Variants in EIF4E2 observed in about 807,000 individuals in gnomAD.
EIF4E2 encodes eukaryotic translation initiation factor 4E type 2.
In EIF4E2, 13 loss-of-function variants were observed where a neutral mutation model predicts 34.2. The observed-to-expected ratio is 0.38, with a 90% CI of 0.25 to 0.60. The LOEUF is 0.60. EIF4E2 is among the 20% of genes least tolerant of loss of function. The probability of loss-of-function intolerance (pLI) is 0.62; values close to 1 mark genes in which losing one functional copy is unlikely to be tolerated. For missense variants in EIF4E2, 222 were observed against 315.1 expected, an observed-to-expected ratio of 0.70 and a Z score of 2.24; for synonymous variants, 100 against 106.6, an observed-to-expected ratio of 0.94 and a Z score of 0.38.
At chr2:232,573,828 T>A (rs1693149418), downstream of EIF4E2, 1 of 346,274 alleles carries the variant, frequency 2.9e-6, no homozygotes, top group Admixed American at 3.9e-5. Context: ...TGTTGGAAAC[T>A]GGCCTTTACC....
chr2:232,558,048 C>T (rs770885403), intron 3 of EIF4E2, 30 bp downstream of exon 3: 1 of 1,611,940 alleles, frequency 6.2e-7, no homozygotes, highest in South Asian at 1.1e-5. Flanking sequence ...ATGGAGTGTG[C>T]CTTGATAGTT....
chr2:232,558,206 G>C, intron 3 of EIF4E2, 188 bp downstream of exon 3: 1 of 616,722 alleles, frequency 1.6e-6, no homozygotes, highest in Non-Finnish European at 2.6e-6. Flanking sequence ...TAGCATGTAG[G>C]TATCAACAAA....
At chr2:232,560,360 C>G (rs887618733) in intron 3 of EIF4E2, among the ~76,000 whole-genome samples, 4 of 152,216 alleles carry the variant, frequency 2.6e-5, no homozygotes, top group Non-Finnish European at 4.4e-5. Flanking sequence ...AAAAATGGAT[C>G]ATAGACCTAA....
Position 232,550,713 on chromosome 2 carries a change from G to T in EIF4E2, c.-12G>T, listed in dbSNP as rs758491778. The stretch of plus-strand genomic sequence containing the variant: ...CACTCCCTGAGGCAGTGGCGACAGC[G>T]GCGGCGAGAGGATGAACAACAAGTT... On this transcript the variant is annotated 5_prime_UTR_variant, in exon 1 of 7. Transcript: ENST00000258416. 1 of 1,584,232 alleles carries T rather than the reference G, an allele frequency of 6.3e-7. No homozygotes were observed. The highest frequency in any genetic ancestry group is 1.1e-5 in the South Asian group (1 of 87,330).
intron 6 of EIF4E2, chr2:232,580,838 ATG>A (rs1211693265): frequency 2.2e-6 from 3 of 1,393,042 alleles, no homozygotes; most frequent in Non-Finnish European, 2.0e-6. Context: ...CCCCCTGTAT[ATG>A]TGTGCTTCTG....
intron 6 of EIF4E2, chr2:232,574,234 T>C: frequency 6.5e-7 from 1 of 1,547,036 alleles, no homozygotes. Context: ...CTGAATGTGC[T>C]ATTGTGTTTT....
intron 1 of EIF4E2, chr2:232,553,751 G>T (rs1285376291): frequency 6.6e-6 from 1 of 152,142 alleles, no homozygotes; most frequent in Non-Finnish European, 1.5e-5. Context: ...CCAGATATAG[G>T]TCCATTAGGG....
chr2:232,568,140 G>T, intron 6 of EIF4E2: 1 of 985,346 alleles, frequency 1.0e-6, no homozygotes. Flanking sequence ...CCAAGTAGTA[G>T]TATTGCTATC....
rs1309610191 is a variant in EIF4E2 at position 232,581,056 on chromosome 2, G to A, written c.*113G>A. On this transcript the variant is annotated 3_prime_UTR_variant, in exon 7 of 7. Coordinates refer to the EIF4E2 transcript ENST00000409098. The surrounding 1 kb of genome is among the most constrained non-coding windows in gnomAD (Gnocchi z 5.2). ...CACTGAAGGGACGTCCCTGAGCCGTGCGCTCTCCTTTTGCACTCATTCCTG... is the reference window on the plus strand; with the variant it reads ...CACTGAAGGGACGTCCCTGAGCCGTACGCTCTCCTTTTGCACTCATTCCTG... 9.4e-7 allele frequency: 1 copy of A among 1,066,610 alleles called. No individual in the cohort carries two copies. Among genetic ancestry groups the A allele is most frequent in the South Asian group, 1.3e-5 (1 of 74,280 alleles). The allele number at this position is 1,066,610 out of a possible 1,614,324, so 66.1% of individuals were successfully genotyped here.
rs1692950391 is a variant in EIF4E2 at position 232,566,845 on chromosome 2, A to G, written c.392A>G (p.Asn131Ser). Residue 131 changes from asparagine to serine, a missense_variant, in exon 5 of 7, where the codon AAT (asparagine) becomes AGT (serine). Asn to Ser is a conservative substitution (Grantham distance 46). Around this residue, in one of 3 missense-constraint regions of EIF4E2, gnomAD observed 105 missense variants for 195.1 expected, o/e 0.54. Coordinates refer to ENST00000258416, the MANE Select transcript of EIF4E2 (RefSeq NM_004846.4). The surrounding 1 kb of genome is among the most constrained non-coding windows in gnomAD (Gnocchi z 4.9). ...KPMWEDDANK[N>S]GGKWIIRLRK... ...TTTTTACAGGATGATGCAAATAAAA[A>G]TGGTGGCAAGTGGATTATTCGGCTG... 7.4e-6 allele frequency: 12 copies of G among 1,614,046 alleles called. No individual in the cohort carries two copies. Among genetic ancestry groups the G allele is most frequent in the Non-Finnish European group, 1.0e-5 (12 of 1,180,036 alleles).
intron 1 of EIF4E2, among the ~76,000 whole-genome samples, chr2:232,552,500 AC>A (rs532675047): frequency 7.9e-5 from 12 of 151,962 alleles, no homozygotes; most frequent in Admixed American, 6.6e-5. Context: ...ATGAGCCACC[AC>A]CCCCAGCCTC....
intron 1 of EIF4E2, among the ~76,000 whole-genome samples, chr2:232,552,861 C>T (rs1692394944): frequency 6.6e-6 from 1 of 152,080 alleles, no homozygotes; most frequent in Admixed American, 6.6e-5. Context: ...AGCACTCCTG[C>T]CCCTAGTTTT....
At chr2:232,578,010 A>C (rs1693262180) in intron 6 of EIF4E2, among the ~76,000 whole-genome samples, 1 of 152,102 alleles carries the variant, frequency 6.6e-6, no homozygotes, top group Non-Finnish European at 1.5e-5. Context: ...GATGTGATGG[A>C]GTATCACTTC....
chr2:232,578,964 T>A (rs1215650776), intron 6 of EIF4E2, among the ~76,000 whole-genome samples: 1 of 152,096 alleles, frequency 6.6e-6, no homozygotes. Context: ...TGTCCAATGA[T>A]TAGGTGGGCA....
Position 232,567,283 on chromosome 2 carries a change from A to C in EIF4E2, c.665+69A>C. On this transcript the variant is annotated intron_variant, in intron 6 of 6. Transcript: ENST00000258416. Reference sequence around the variant, plus strand: ...TATAAGTAGATCTGTAGTTGGGCCCAGAGGAATATGGCCGGACAGGAGACT... The same window carrying C: ...TATAAGTAGATCTGTAGTTGGGCCCCGAGGAATATGGCCGGACAGGAGACT... The C allele has an allele frequency of 2.5e-6, 4 of 1,599,766 alleles. No homozygotes were observed. In the South Asian group the frequency reaches 3.4e-5, roughly 14 times the overall value.
chr2:232,575,298 G>A (rs1693185016), intron 6 of EIF4E2, among the ~76,000 whole-genome samples: 2 of 152,380 alleles, frequency 1.3e-5, no homozygotes, highest in African/African-American at 4.8e-5. Context: ...GGTGGCCAGG[G>A]CCTGAGAGCT....
In EIF4E2 at chr2:232,567,371, C is replaced by CT. The variant is rs1350845127; in HGVS notation, c.665+160dup. 7.0e-5 allele frequency: 101 copies of CT among 1,439,754 alleles called. 1 individual carries two copies. The African/African-American group carries it at 1.3e-3, about 18-fold the overall frequency. The allele number at this position is 1,439,754 out of a possible 1,614,324, so 89.2% of individuals were successfully genotyped here. A position where few individuals can be genotyped will look rare whatever the true frequency, so the allele number is the denominator to read the frequency against. ...GGGCTTCTGGCTACTTGCTGCAGTTCTTTGTCAGCGAGGCTCCCTGCCACC... is the reference window on the plus strand; with the variant it reads ...GGGCTTCTGGCTACTTGCTGCAGTTCTTTTGTCAGCGAGGCTCCCTGCCACC... On this transcript the variant is annotated intron_variant, in intron 6 of 6. Coordinates refer to ENST00000258416, the MANE Select transcript of EIF4E2 (RefSeq NM_004846.4).
In EIF4E2 at chr2:232,581,174, T is replaced by C. The variant is rs1481948008; in HGVS notation, c.*231T>C. ...ACTTTGTAATAGACAAACATTGTTT[T>C]TTAATGGGGTTCCATGGGGGGGCGT... On this transcript the variant is annotated 3_prime_UTR_variant, in exon 7 of 7. Coordinates refer to the EIF4E2 transcript ENST00000409098. This position sits in a 1 kb window ranked among gnomAD's most constrained non-coding sequence, Gnocchi z 5.2. 7.6e-6 allele frequency: 5 copies of C among 657,140 alleles called. No homozygotes were observed. The highest frequency in any genetic ancestry group is 1.4e-5 in the Non-Finnish European group (5 of 351,976). 40.7% of individuals were successfully genotyped at this position (657,140 alleles called of 1,614,324 possible). A position where few individuals can be genotyped will look rare whatever the true frequency, so the allele number is the denominator to read the frequency against.
At chr2:232,550,840 C>T (rs895374074) in intron 1 of EIF4E2, 96 bp downstream of exon 1, 51 of 1,230,060 alleles carry the variant, frequency 4.1e-5, no homozygotes, top group Non-Finnish European at 5.6e-5. Flanking sequence ...CCTGCGGCAC[C>T]GGCTTCCCTG....
Sources: allele counts gnomAD v4.1 joint callset (sites outside exome capture counted in the v4.1 genomes callset), GRCh38; gene constraint gnomAD v4.1.1; regional missense constraint gnomAD v4.1.1; non-coding constraint Gnocchi (gnomAD v3.1); transcripts MANE v1.5; gene names NCBI Gene and HGNC (gene_info 2026-07-23, HGNC 2026-07-21).